Variants in LAPTM5 observed in about 807,000 individuals in gnomAD.
LAPTM5 encodes lysosomal protein transmembrane 5, also known as lysosomal-associated transmembrane protein 5.
In LAPTM5, 11 loss-of-function variants were observed where a neutral mutation model predicts 30.1. The observed-to-expected ratio is 0.37, with a 90% confidence interval of 0.23 to 0.60. The LOEUF is 0.60. Among genes scored for constraint, LAPTM5 ranks in the 20% least tolerant of loss-of-function variants. The probability of loss-of-function intolerance (pLI) is 0.71; values close to 1 mark genes in which losing one functional copy is unlikely to be tolerated. For missense variants in LAPTM5, 324 were observed against 332.5 expected, an observed-to-expected ratio of 0.97 and a Z score of 0.20; for synonymous variants, 151 against 137.9, an observed-to-expected ratio of 1.10 and a Z score of -0.67.
At chr1:30,751,925 C>T (rs1014322333) in intron 1 of LAPTM5, among the ~76,000 whole-genome samples, 1 of 152,186 alleles carries the variant, frequency 6.6e-6, no homozygotes, top group Non-Finnish European at 1.5e-5. Flanking sequence ...CTGCTCAAGT[C>T]ACACTGCTGG....
chr1:30,741,963 A>G, intron 2 of LAPTM5: 1 of 404,756 alleles, frequency 2.5e-6, no homozygotes. Flanking sequence ...CACTTCAGCC[A>G]GGGTGAGGCT....
intron 1 of LAPTM5, among the ~76,000 whole-genome samples, chr1:30,745,479 T>C (rs2124189069): frequency 6.6e-6 from 1 of 151,322 alleles, no homozygotes. Context: ...GAGGTATTTC[T>C]ACTTTTGTGA....
chr1:30,750,375 T>C (rs549299736), intron 1 of LAPTM5, among the ~76,000 whole-genome samples: 2 of 152,334 alleles, frequency 1.3e-5, no homozygotes, highest in South Asian at 4.1e-4. Flanking sequence ...AGACGCCAGG[T>C]CCTCTTCTGA....
chr1:30,736,026 C>G (rs1390263170), intron 6 of LAPTM5, among the ~76,000 whole-genome samples: 1 of 152,140 alleles, frequency 6.6e-6, no homozygotes, highest in African/African-American at 2.4e-5. Flanking sequence ...AAGAGGGAAG[C>G]CCCTCATTCT....
intron 1 of LAPTM5, among the ~76,000 whole-genome samples, chr1:30,747,364 C>A (rs1640063126): frequency 6.6e-6 from 1 of 152,126 alleles, no homozygotes; most frequent in African/African-American, 2.4e-5. Flanking sequence ...AGAGAGACAG[C>A]GACCAGCCCA....
chr1:30,756,552 G>T (rs1156436758), intron 1 of LAPTM5, among the ~76,000 whole-genome samples: 1 of 152,226 alleles, frequency 6.6e-6, no homozygotes, highest in African/African-American at 2.4e-5. Context: ...AGGCTGCAGA[G>T]CTGGGAAGCA....
chr1:30,757,110 G>A (rs908827215), intron 1 of LAPTM5, among the ~76,000 whole-genome samples: 1 of 152,230 alleles, frequency 6.6e-6, no homozygotes, highest in Admixed American at 6.5e-5. Flanking sequence ...GACTGAGCTG[G>A]AAGCTGAGAG....
chr1:30,746,616 C>T lies in LAPTM5; in HGVS notation c.88-4067G>A, dbSNP rs1640049977. Reference sequence around the variant, plus strand: ...CAACAATGCGCAGGCAGACAGCATGCCCTCACCCACTTGCTCCCCAATTAC... The same window carrying T: ...CAACAATGCGCAGGCAGACAGCATGTCCTCACCCACTTGCTCCCCAATTAC... On this transcript the variant is annotated intron_variant, in intron 1 of 7. Coordinates refer to ENST00000294507, the MANE Select transcript of LAPTM5 (RefSeq NM_006762.3). The surrounding 1 kb of genome is among the most constrained non-coding windows in gnomAD (Gnocchi z 4.0). Among the ~76,000 whole-genome samples the T allele has an allele frequency of 6.6e-6, 1 of 152,212 alleles. No homozygotes were observed.
intron 1 of LAPTM5, among the ~76,000 whole-genome samples, chr1:30,752,179 T>C: frequency 6.6e-6 from 1 of 152,202 alleles, no homozygotes; most frequent in East Asian, 1.9e-4. Flanking sequence ...TTGCCCACTT[T>C]CTGGATCATT....
At position 30,741,007 on chromosome 1, in the gene LAPTM5, G is replaced by A. The variant is rs77720776; in HGVS notation, c.258+633C>T. ...GCCTTTCTGGGGACCCAGGGACCGC[G>A]GGTTCCTCTTCTGCAGGGGATTGAG... On this transcript the variant is annotated intron_variant, in intron 3 of 7. Coordinates refer to ENST00000294507, the MANE Select transcript of LAPTM5 (RefSeq NM_006762.3). 8.8e-3 allele frequency among the ~76,000 whole-genome samples: 1,335 copies of A among 152,318 alleles called. 12 individuals carry two copies. The highest frequency in any genetic ancestry group is 0.016 in the Non-Finnish European group (1,056 of 68,028).
At chr1:30,745,243 T>C (rs1640025280) in intron 1 of LAPTM5, among the ~76,000 whole-genome samples, 1 of 152,198 alleles carries the variant, frequency 6.6e-6, no homozygotes, top group Non-Finnish European at 1.5e-5. Flanking sequence ...AAAGTGCAGC[T>C]CAGAGAGGTC....
At chr1:30,747,447 C>T (rs1053008176) in intron 1 of LAPTM5, among the ~76,000 whole-genome samples, 4 of 152,196 alleles carry the variant, frequency 2.6e-5, no homozygotes, top group South Asian at 4.1e-4. Flanking sequence ...GCTCAGGCTG[C>T]GGTCCCAGCC....
chr1:30,733,796 C>T lies in LAPTM5; in HGVS notation c.*32G>A, dbSNP rs1484053101. On this transcript the variant is annotated 3_prime_UTR_variant, in exon 8 of 8. Transcript: ENST00000294507. ...AGCAGATTATGAGGCAGCTCCACCC[C>T]TCCCAGCACTGGGGCTGGGGCCTGG... The T allele has an allele frequency of 2.5e-6, 4 of 1,595,492 alleles. No homozygotes were observed. The highest frequency in any genetic ancestry group is 2.7e-5 in the African/African-American group (2 of 74,084).
chr1:30,741,086 C>T (rs1453106548), intron 3 of LAPTM5, among the ~76,000 whole-genome samples: 4 of 152,216 alleles, frequency 2.6e-5, no homozygotes, highest in Admixed American at 6.5e-5. Flanking sequence ...AGGAGCCCCT[C>T]GTTGTCACAC....
intron 1 of LAPTM5, among the ~76,000 whole-genome samples, chr1:30,755,526 A>T (rs1483943306): frequency 2.0e-5 from 3 of 151,752 alleles, no homozygotes; most frequent in Non-Finnish European, 4.4e-5. Flanking sequence ...CCCACAACCA[A>T]ACTCTCCCTC....
chr1:30,743,166 T>TA (rs933522528), intron 1 of LAPTM5, among the ~76,000 whole-genome samples: 1 of 152,216 alleles, frequency 6.6e-6, no homozygotes, highest in Non-Finnish European at 1.5e-5. Context: ...CCAGATGGGA[T>TA]AATTCACTTA....
chr1:30,737,405 T>C (rs981110839), intron 6 of LAPTM5, among the ~76,000 whole-genome samples, 199 bp downstream of exon 6: 3 of 152,036 alleles, frequency 2.0e-5, no homozygotes, highest in African/African-American at 7.2e-5. Flanking sequence ...CGGATTCACA[T>C]GCCCTAAATG....
chr1:30,740,964 G>A (rs1639962121), intron 3 of LAPTM5, among the ~76,000 whole-genome samples: 2 of 152,222 alleles, frequency 1.3e-5, no homozygotes, highest in Non-Finnish European at 2.9e-5. Context: ...TGGCTATGTG[G>A]TGAGGCCCTG....
chr1:30,745,843 C>T (rs1474837490), intron 1 of LAPTM5: 1 of 152,280 alleles, frequency 6.6e-6, no homozygotes, highest in Non-Finnish European at 1.5e-5. Context: ...GCACTGCAAT[C>T]TCCCAAAACT....
Sources: gnomAD v4.1 joint callset for allele counts (sites outside exome capture counted in the v4.1 genomes callset) on GRCh38, gnomAD v4.1.1 for gene constraint, Gnocchi (gnomAD v3.1) non-coding constraint, MANE v1.5 for transcripts, NCBI Gene and HGNC (gene_info 2026-07-23, HGNC 2026-07-21) for gene names.